The following DCC variants were observed in gnomAD, a reference collection of about 807,000 sequenced individuals.
DCC encodes DCC netrin 1 receptor.
DCC carries 58 observed loss-of-function variants against 172.5 expected under a neutral mutation model. That is an observed-to-expected ratio of 0.34 (90% confidence interval 0.27 to 0.42). The LOEUF (loss-of-function observed/expected upper bound fraction) is 0.42. Among genes scored for constraint, DCC ranks in the 10% least tolerant of loss-of-function variants. The pLI, the probability that DCC is intolerant of heterozygous loss-of-function variation, is 1.00. For missense variants in DCC, 1,740 were observed against 1,791.0 expected (o/e 0.97, Z 0.51); for synonymous variants, 709 against 644.5 (o/e 1.10, Z -1.52).
At chr18:52,503,825 T>C (rs1274279522) in intron 1 of DCC, among the ~76,000 whole-genome samples, 1 of 152,138 alleles carries the variant, frequency 6.6e-6, no homozygotes, top group Non-Finnish European at 1.5e-5. Context: ...GGCTGCTTCC[T>C]GAGCCCTGAT....
At chr18:52,433,691 A>G (rs1987698707) in intron 1 of DCC, among the ~76,000 whole-genome samples, 1 of 152,196 alleles carries the variant, frequency 6.6e-6, no homozygotes, top group Admixed American at 6.5e-5. Context: ...GTTATTGGTA[A>G]TCTATTCTTT....
At chr18:53,007,499 A>G (rs756602797) in intron 5 of DCC, among the ~76,000 whole-genome samples, 10 of 152,226 alleles carry the variant, frequency 6.6e-5, no homozygotes, top group Non-Finnish European at 1.5e-4. Flanking sequence ...AAGGAGGGAA[A>G]CCTAATTTGG....
At position 53,506,392 on chromosome 18, in the gene DCC, C is replaced by T. The variant is rs189398752; in HGVS notation, c.4111+6882C>T. ...TTACAAATTCATGAACATTTTATAA[C>T]ATGTTTAATAATCTGAACTATAAAT... On this transcript the variant is annotated intron_variant, in intron 27 of 28. Coordinates refer to ENST00000442544, the MANE Select transcript of DCC (RefSeq NM_005215.4). Among the ~76,000 whole-genome samples, 624 of 152,196 alleles carry T rather than the reference C, an allele frequency of 4.1e-3. 4 individuals are homozygous for T. Among genetic ancestry groups the T allele is most frequent in the Middle Eastern group, 0.014 (4 of 294 alleles).
At chr18:52,878,402 C>T (rs966400038) in intron 2 of DCC, among the ~76,000 whole-genome samples, 1 of 151,864 alleles carries the variant, frequency 6.6e-6, no homozygotes, top group Non-Finnish European at 1.5e-5. Context: ...CCCATACTAA[C>T]CTTGAAAGAC....
intron 1 of DCC, among the ~76,000 whole-genome samples, chr18:52,553,047 AT>A (rs2032818477): frequency 6.6e-6 from 1 of 152,056 alleles, no homozygotes; most frequent in Non-Finnish European, 1.5e-5. Context: ...CAACATTAAG[AT>A]TTTGACACAT....
intron 5 of DCC, among the ~76,000 whole-genome samples, chr18:52,939,771 T>C (rs2040432833): frequency 1.3e-5 from 2 of 152,144 alleles, no homozygotes; most frequent in African/African-American, 4.8e-5. Context: ...AGAACTTGAA[T>C]TGACATTGTT....
At chr18:52,987,020 C>T (rs1188594546) in intron 5 of DCC, among the ~76,000 whole-genome samples, 5 of 152,120 alleles carry the variant, frequency 3.3e-5, no homozygotes, top group Admixed American at 2.0e-4. Context: ...GAAGGCTTCA[C>T]CATGTTGGCC....
chr18:53,405,608 A>G (rs1189125408), intron 19 of DCC, among the ~76,000 whole-genome samples: 1 of 152,192 alleles, frequency 6.6e-6, no homozygotes, highest in African/African-American at 2.4e-5. Context: ...AAGTACTCAA[A>G]AAGATTAAAC....
intron 1 of DCC, among the ~76,000 whole-genome samples, chr18:52,470,141 A>T (rs1988905814): frequency 6.6e-6 from 1 of 152,240 alleles, no homozygotes; most frequent in Non-Finnish European, 1.5e-5. Context: ...CCGGAAATAG[A>T]TGGGAAAAAT....
At chr18:52,661,077 C>G (rs1326718589) in intron 1 of DCC, among the ~76,000 whole-genome samples, 2 of 152,048 alleles carry the variant, frequency 1.3e-5, no homozygotes, top group African/African-American at 4.8e-5. Context: ...TAGCAAAAAG[C>G]AAAATTTTGG....
At chr18:53,341,053 C>T (rs1005598551) in intron 15 of DCC, among the ~76,000 whole-genome samples, 6 of 152,138 alleles carry the variant, frequency 3.9e-5, no homozygotes, top group Admixed American at 2.6e-4. Flanking sequence ...TTTAGCTTGG[C>T]GTTTAGAAAT....
At chr18:53,402,078 AG>A (rs1909331195) in intron 18 of DCC, among the ~76,000 whole-genome samples, 1 of 152,088 alleles carries the variant, frequency 6.6e-6, no homozygotes. Context: ...TTTTGACCCC[AG>A]TTTTATCTCA....
At chr18:53,145,299 G>A (rs1440605186) in intron 7 of DCC, among the ~76,000 whole-genome samples, 1 of 152,024 alleles carries the variant, frequency 6.6e-6, no homozygotes, top group African/African-American at 2.4e-5. Flanking sequence ...ATTTTTGGAA[G>A]AGACGGGGTT....
chr18:53,371,836 A>C (rs935146174), intron 15 of DCC, among the ~76,000 whole-genome samples: 1 of 152,104 alleles, frequency 6.6e-6, no homozygotes, highest in South Asian at 2.1e-4. Context: ...GAAGACATAC[A>C]TGCAGCCAAC....
chr18:53,037,031 T>C (rs954853898), intron 5 of DCC, among the ~76,000 whole-genome samples: 1 of 151,956 alleles, frequency 6.6e-6, no homozygotes, highest in African/African-American at 2.4e-5. Context: ...CATAGAATTA[T>C]TTTCATCAGT....
intron 5 of DCC, among the ~76,000 whole-genome samples, chr18:53,017,740 C>T (rs73958627): frequency 0.025 from 3,808 of 152,246 alleles, 156 homozygotes; most frequent in African/African-American, 0.087. Flanking sequence ...AGTCTCAGAT[C>T]TCCTAAAATT....
intron 1 of DCC, among the ~76,000 whole-genome samples, chr18:52,419,884 T>G (rs1038173133): frequency 6.6e-6 from 1 of 152,214 alleles, no homozygotes; most frequent in Non-Finnish European, 1.5e-5. Context: ...ATCAGAGTTT[T>G]ATATATAACA....
chr18:53,417,547 T>TAATAA (rs1346747154), intron 21 of DCC, among the ~76,000 whole-genome samples: 1 of 152,226 alleles, frequency 6.6e-6, no homozygotes, highest in African/African-American at 2.4e-5. Flanking sequence ...GAATAGTTAA[T>TAATAA]AGCACCAGCT....
chr18:52,996,344 A>G (rs1169552001), intron 5 of DCC, among the ~76,000 whole-genome samples: 1 of 152,056 alleles, frequency 6.6e-6, no homozygotes, highest in Non-Finnish European at 1.5e-5. Flanking sequence ...AGGAAAAGCT[A>G]CATTAATCTT....
Sources: allele counts gnomAD v4.1 joint callset (sites outside exome capture counted in the v4.1 genomes callset), GRCh38; gene constraint gnomAD v4.1.1; transcripts MANE v1.5; gene names NCBI Gene and HGNC (gene_info 2026-07-23, HGNC 2026-07-21).